Variants in KCND2 observed in about 807,000 individuals in gnomAD.
KCND2 encodes A-type voltage-gated potassium channel KCND2.
In KCND2, 16 loss-of-function variants were observed where a neutral mutation model predicts 54.4. The observed-to-expected ratio is 0.29, with a 90% confidence interval of 0.20 to 0.45. The LOEUF is 0.45. Ranked by LOEUF, KCND2 falls within the 20% of genes least tolerant of loss-of-function variation. KCND2 has a pLI of 1.00. For synonymous variants in KCND2, 317 were observed against 310.7 expected (o/e 1.02, Z -0.21); for missense variants, 486 against 824.2 (o/e 0.59, Z 5.02).
intron 1 of KCND2, among the ~76,000 whole-genome samples, chr7:120,399,614 G>T (rs1801213627): frequency 6.6e-6 from 1 of 150,658 alleles, no homozygotes; most frequent in Non-Finnish European, 1.5e-5. Context: ...ATGCTTCAAA[G>T]ATTTGTTTTT....
chr7:120,388,957 G>A (rs73433812), intron 1 of KCND2, among the ~76,000 whole-genome samples: 5,113 of 150,296 alleles, frequency 0.034, 278 homozygotes, highest in African/African-American at 0.11. Context: ...TCCTAATTTA[G>A]CATTTGCATG....
chr7:120,289,077 CAG>C (rs112703117), intron 1 of KCND2, among the ~76,000 whole-genome samples: 1,985 of 20,856 alleles, frequency 0.095, 49 homozygotes, highest in African/African-American at 0.11. Flanking sequence ...CACACACACA[CAG>C]AGAGAGAGAG....
At chr7:120,476,330 C>G (rs1034878904) in intron 1 of KCND2, among the ~76,000 whole-genome samples, 1 of 152,194 alleles carries the variant, frequency 6.6e-6, no homozygotes, top group Non-Finnish European at 1.5e-5. Flanking sequence ...ACAGGGTAAG[C>G]AATTCTTAGC....
chr7:120,353,447 GAGTGACTA>G (rs1800445975), intron 1 of KCND2, among the ~76,000 whole-genome samples: 1 of 152,078 alleles, frequency 6.6e-6, no homozygotes, highest in Admixed American at 6.6e-5. Context: ...AGATTGTACT[GAGTGACTA>G]ATTAGATGCA....
chr7:120,411,221 A>C (rs1801445322), intron 1 of KCND2, among the ~76,000 whole-genome samples: 1 of 151,982 alleles, frequency 6.6e-6, no homozygotes, highest in Non-Finnish European at 1.5e-5. Context: ...ATGCTACCAT[A>C]AGTGGTGTTT....
intron 1 of KCND2, among the ~76,000 whole-genome samples, chr7:120,298,146 T>A (rs1799536813): frequency 6.6e-6 from 1 of 152,158 alleles, no homozygotes; most frequent in Non-Finnish European, 1.5e-5. Flanking sequence ...AGTGACTAGT[T>A]AAGTTTTGTA....
rs779943368 is a variant in KCND2, at chr7:120,595,461, ATAT to A, written c.1116-137441_1116-137439del. ...GTGAGACTGTGCCACCAAAAAAAAA[ATAT>A]ATATATATATATATATGTGTATATA... is the stretch of plus-strand genomic sequence containing the variant. On this transcript the variant is annotated intron_variant, in intron 1 of 5. Coordinates refer to ENST00000331113, the MANE Select transcript of KCND2 (RefSeq NM_012281.3). Among the ~76,000 whole-genome samples the A allele has an allele frequency of 8.6e-4, 84 of 97,302 alleles. 1 individual carries two copies. Among genetic ancestry groups the A allele is most frequent in the African/African-American group, 4.1e-3 (83 of 20,136 alleles). 63.8% of individuals were successfully genotyped at this position (97,302 alleles called of 152,430 possible). A position where few individuals can be genotyped will look rare whatever the true frequency, so the allele number is the denominator to read the frequency against.
At chr7:120,659,466 T>G (rs893955053) in intron 1 of KCND2, among the ~76,000 whole-genome samples, 3 of 152,132 alleles carry the variant, frequency 2.0e-5, no homozygotes, top group Non-Finnish European at 2.9e-5. Flanking sequence ...AAGGAAATAT[T>G]TGTGTGTGGA....
At chr7:120,570,910 C>T (rs780639019) in intron 1 of KCND2, among the ~76,000 whole-genome samples, 1 of 152,102 alleles carries the variant, frequency 6.6e-6, no homozygotes, top group African/African-American at 2.4e-5. Context: ...TTAAATATGT[C>T]TTGTGTTAAT....
intron 1 of KCND2, among the ~76,000 whole-genome samples, chr7:120,708,866 C>T (rs1792502627): frequency 6.6e-6 from 1 of 152,066 alleles, no homozygotes; most frequent in Non-Finnish European, 1.5e-5. Flanking sequence ...TCCTCTCTAC[C>T]ATGTAAACTC....
At position 120,401,017 on chromosome 7, in the gene KCND2, C is replaced by G. The variant is rs534573589; in HGVS notation, c.1115+125270C>G. Among the ~76,000 whole-genome samples, 5 of 151,852 alleles carry G rather than the reference C, an allele frequency of 3.3e-5. No individual in the cohort carries two copies. In the East Asian group the frequency reaches 5.8e-4, roughly 18 times the overall value. On this transcript the variant is annotated intron_variant, in intron 1 of 5. Coordinates refer to ENST00000331113, the MANE Select transcript of KCND2 (RefSeq NM_012281.3). ...ACCATGGGGCACTCTGGTAACTTCT[C>G]TGATTCTGTGCCTCTTAGATTTGTG...
intron 1 of KCND2, among the ~76,000 whole-genome samples, chr7:120,293,799 G>A (rs562064397): frequency 1.1e-4 from 16 of 151,972 alleles, no homozygotes; most frequent in Admixed American, 3.3e-4. Context: ...AATGATTGAT[G>A]TTAGTTCTGT....
At chr7:120,450,342 G>A (rs915311428) in intron 1 of KCND2, among the ~76,000 whole-genome samples, 5 of 152,156 alleles carry the variant, frequency 3.3e-5, no homozygotes, top group Admixed American at 2.6e-4. Flanking sequence ...CCTGGGAGGT[G>A]AGGTTGCAGT....
At chr7:120,700,304 C>A (rs1212809715) in intron 1 of KCND2, among the ~76,000 whole-genome samples, 1 of 152,158 alleles carries the variant, frequency 6.6e-6, no homozygotes, top group Non-Finnish European at 1.5e-5. Flanking sequence ...GGAGAAAATT[C>A]ATATGGCTAA....
intron 1 of KCND2, among the ~76,000 whole-genome samples, chr7:120,450,290 GT>G (rs2116215521): frequency 6.6e-6 from 1 of 152,186 alleles, no homozygotes; most frequent in African/African-American, 2.4e-5. Context: ...TATGCCTATA[GT>G]CCCAGCTACT....
At chr7:120,467,277 A>G (rs185050350) in intron 1 of KCND2, among the ~76,000 whole-genome samples, 239 of 152,218 alleles carry the variant, frequency 1.6e-3, no homozygotes, top group African/African-American at 5.1e-3. Flanking sequence ...AATAAGCCAA[A>G]CCTTGGTTGT....
chr7:120,520,539 G>T (rs573749886), intron 1 of KCND2, among the ~76,000 whole-genome samples: 3 of 152,130 alleles, frequency 2.0e-5, no homozygotes, highest in South Asian at 2.1e-4. Context: ...AAAAGGAAAA[G>T]AAATAGCAAT....
chr7:120,558,324 A>C (rs2116405896), intron 1 of KCND2, among the ~76,000 whole-genome samples: 1 of 152,306 alleles, frequency 6.6e-6, no homozygotes, highest in East Asian at 1.9e-4. Context: ...CGTTGCAATC[A>C]TAGGTACTGG....
chr7:120,728,157 G>T (rs531555357), intron 1 of KCND2, among the ~76,000 whole-genome samples: 41 of 146,306 alleles, frequency 2.8e-4, no homozygotes, highest in African/African-American at 1.0e-3. Flanking sequence ...AAGAAAGAAA[G>T]AAAAAAGAAA....
Sources: gnomAD v4.1 joint callset for allele counts (sites outside exome capture counted in the v4.1 genomes callset) on GRCh38, gnomAD v4.1.1 for gene constraint, MANE v1.5 for transcripts, NCBI Gene and HGNC (gene_info 2026-07-23, HGNC 2026-07-21) for gene names.